The following IFI44L variants were observed in gnomAD, a reference collection of about 807,000 sequenced individuals.
The protein encoded by IFI44L is interferon-induced protein 44-like.
In IFI44L, 40 loss-of-function variants were observed where a neutral mutation model predicts 39.3. The observed-to-expected ratio is 1.02, with a 90% CI of 0.79 to 1.33. The LOEUF (loss-of-function observed/expected upper bound fraction) is 1.33. Among genes scored for constraint, IFI44L ranks in the 40% most tolerant of loss-of-function variants. The pLI, the probability that IFI44L is intolerant of heterozygous loss-of-function variation, is 0.00. For missense variants in IFI44L, 623 were observed against 549.0 expected (o/e 1.13, Z -1.35); for synonymous variants, 198 against 182.3 (o/e 1.09, Z -0.69).
Position 78,629,890 on chromosome 1 carries a change from C to G in IFI44L, c.698C>G (p.Ser233Cys), listed in dbSNP as rs1258531945. 6.2e-7 allele frequency: 1 copy of G among 1,613,588 alleles called. No homozygotes were observed. Among genetic ancestry groups the G allele is most frequent in the Non-Finnish European group, 8.5e-7 (1 of 1,179,698 alleles). Residue 233 changes from serine (S) to cysteine (C), a missense_variant, in exon 4 of 9, where the codon TCT (serine) becomes TGT (cysteine). Ser to Cys is a moderately radical substitution (Grantham distance 112). Transcript: ENST00000370751. ...GTGACTGGCCAAGCCGTAGTGGGGT[C>G]TGATATCACCAGCATAACCGAGCGG... ...GHVTGQAVVG[S>C]DITSITERYR...
At chr1:78,626,903 T>C (rs1652511237) in intron 1 of IFI44L, 1 of 151,990 alleles carries the variant, frequency 6.6e-6, no homozygotes, top group Non-Finnish European at 1.5e-5. Flanking sequence ...TGTGTACTCA[T>C]AGCTTAGCTC....
At chr1:78,628,872 T>G (rs549623664) in intron 2 of IFI44L, 79 bp from the exon 3 acceptor site, 1 of 955,596 alleles carries the variant, frequency 1.0e-6, no homozygotes, top group South Asian at 1.4e-5. Context: ...AAACTCCATG[T>G]CTTATTTCAA....
chr1:78,630,263 G>A (rs1652700113), intron 4 of IFI44L: 1 of 172,498 alleles, frequency 5.8e-6, no homozygotes, highest in South Asian at 1.4e-4. Context: ...TTCTTTTTTT[G>A]TAATAAAATA....
At chr1:78,627,419 A>G (rs1219178469) in intron 1 of IFI44L, 1 of 152,040 alleles carries the variant, frequency 6.6e-6, no homozygotes, top group African/African-American at 2.4e-5. Flanking sequence ...TACGTTGGCA[A>G]ATGATGAATG....
In IFI44L at chr1:78,642,246, A is replaced by C. The variant is rs1646995466; in HGVS notation, c.*437A>C. ...TATCTGTGTATTCACAGAGCTTAGCACAGTGCCTGGTAATGAGCAAGCATA... is the reference window on the plus strand; with the variant it reads ...TATCTGTGTATTCACAGAGCTTAGCCCAGTGCCTGGTAATGAGCAAGCATA... On this transcript the variant is annotated 3_prime_UTR_variant, in exon 9 of 9. Transcript: ENST00000370751. 5.9e-6 allele frequency: 1 copy of C among 170,390 alleles called. No homozygotes were observed. The highest frequency in any genetic ancestry group is 1.3e-5 in the Non-Finnish European group (1 of 79,032). The allele number at this position is 170,390 out of a possible 1,614,324, so 10.6% of individuals were successfully genotyped here. A position where few individuals can be genotyped will look rare whatever the true frequency, so the allele number is the denominator to read the frequency against.
chr1:78,625,284 G>C (rs2100475512), intron 1 of IFI44L, among the ~76,000 whole-genome samples: 1 of 152,084 alleles, frequency 6.6e-6, no homozygotes, highest in East Asian at 1.9e-4. Flanking sequence ...GAGTTTTCTT[G>C]GGGAAGTCTT....
In IFI44L at chr1:78,629,680, G is replaced by T. The variant is rs759003873; in HGVS notation, c.528-40G>T. 7.5e-6 allele frequency: 11 copies of T among 1,460,406 alleles called. No homozygotes were observed. The South Asian group carries it at 1.1e-4, about 15-fold the overall frequency. 90.5% of individuals were successfully genotyped at this position (1,460,406 alleles called of 1,614,324 possible). Reference sequence around the variant, plus strand: ...GATGTTCTTTATGGTATTCTTTATTGGCTGTTCTGATGCTGTATTTAACCA... The same window carrying T: ...GATGTTCTTTATGGTATTCTTTATTTGCTGTTCTGATGCTGTATTTAACCA... On this transcript the variant is annotated intron_variant, in intron 3 of 8. Transcript: ENST00000370751.
rs1333392313 is a variant in IFI44L at position 78,635,415 on chromosome 1, G to T, written c.802G>T (p.Gly268Trp). 1.2e-6 allele frequency: 2 copies of T among 1,613,554 alleles called. No individual in the cohort carries two copies. Among genetic ancestry groups the T allele is most frequent in the Non-Finnish European group, 1.7e-6 (2 of 1,179,598 alleles). ...GTTGTGTGACACTATGGGGCTAGAT[G>T]GGGCAGAAGGAGCAGGACTGTGCAT... ...FMLCDTMGLDGAEGAGLCMDD... is the reference protein window; with the variant it reads ...FMLCDTMGLDWAEGAGLCMDD... Residue 268 changes from glycine (G) to tryptophan (W), a missense_variant, in exon 5 of 9, where the codon GGG (glycine) becomes TGG (tryptophan). Coordinates refer to ENST00000370751, the MANE Select transcript of IFI44L (RefSeq NM_006820.4).
chr1:78,641,158 T>C lies in IFI44L; in HGVS notation c.1149+37T>C, dbSNP rs371663918. ...TGATCATAACCAGATATTATTGTAA[T>C]AGTATCACAATCATACGTGTGTGTG... On this transcript the variant is annotated intron_variant, in intron 7 of 8. Transcript: ENST00000370751. The C allele has an allele frequency of 4.4e-6, 6 of 1,354,300 alleles. No individual in the cohort carries two copies. The African/African-American group carries it at 8.6e-5, about 19-fold the overall frequency. The allele number at this position is 1,354,300 out of a possible 1,614,324, so 83.9% of individuals were successfully genotyped here.
intron 6 of IFI44L, among the ~76,000 whole-genome samples, chr1:78,639,429 T>A (rs1653071697): frequency 6.6e-6 from 1 of 152,070 alleles, no homozygotes; most frequent in Non-Finnish European, 1.5e-5. Flanking sequence ...CACTGTCCTT[T>A]TTCTCATGCT....
At chr1:78,639,020 A>G (rs1355587623) in intron 6 of IFI44L, among the ~76,000 whole-genome samples, 1 of 152,106 alleles carries the variant, frequency 6.6e-6, no homozygotes, top group Non-Finnish European at 1.5e-5. Flanking sequence ...ACACCCTTGG[A>G]GAAAGGGCAC....
intron 1 of IFI44L, among the ~76,000 whole-genome samples, chr1:78,622,819 A>G (rs1652325515): frequency 6.6e-6 from 1 of 152,204 alleles, no homozygotes; most frequent in Non-Finnish European, 1.5e-5. Flanking sequence ...ATCTACAACC[A>G]TAAGGAACTG....
In IFI44L at chr1:78,627,938, C is replaced by T. The variant is rs377191262; in HGVS notation, c.23C>T (p.Thr8Ile). The change falls in exon 2 of 9, where the codon ACA becomes ATA. Residue 8 changes from threonine to isoleucine, a missense_variant. Thr to Ile is a moderately conservative substitution (Grantham distance 89). Coordinates refer to ENST00000370751, the MANE Select transcript of IFI44L (RefSeq NM_006820.4). Reference sequence around the variant, plus strand: ...ACAATGGAAGTGACAACAAGATTGACATGGAATGATGAAAATCATCTGCGC... The same window carrying T: ...ACAATGGAAGTGACAACAAGATTGATATGGAATGATGAAAATCATCTGCGC... MEVTTRLTWNDENHLRKL... is the reference protein window; with the variant it reads MEVTTRLIWNDENHLRKL... 181 of 1,601,782 alleles carry T rather than the reference C, an allele frequency of 1.1e-4. 3 individuals carry two copies. Among genetic ancestry groups the T allele is most frequent in the East Asian group, 9.0e-4 (40 of 44,524 alleles).
At position 78,643,160 on chromosome 1, in the gene IFI44L, T is replaced by TTTTTTTTTTTTTTTTTTTGAG. The variant is rs1367397714; in HGVS notation, c.*1351_*1352insTTTTTTTTTTTTTTTTTTGAG. On this transcript the variant is annotated 3_prime_UTR_variant, in exon 9 of 9. Coordinates refer to ENST00000370751, the MANE Select transcript of IFI44L (RefSeq NM_006820.4). ...AGATATTAAGAAAGCAAGAGTTTCT[T>TTTTTTTTTTTTTTTTTTTGAG]ATGTCCAGTTATGGAATATTTCCTA... 1.3e-5 allele frequency: 2 copies of TTTTTTTTTTTTTTTTTTTGAG among 151,870 alleles called. No individual in the cohort carries two copies. The highest frequency in any genetic ancestry group is 4.2e-4 in the South Asian group (2 of 4,818). The allele number at this position is 151,870 out of a possible 1,614,324, so 9.4% of individuals were successfully genotyped here. A position where few individuals can be genotyped will look rare whatever the true frequency, so the allele number is the denominator to read the frequency against.
intron 3 of IFI44L, 28 bp from the exon 4 acceptor site, chr1:78,629,692 G>T: frequency 6.5e-7 from 1 of 1,538,622 alleles, no homozygotes; most frequent in Non-Finnish European, 8.9e-7. Context: ...CTGTTCTGAT[G>T]CTGTATTTAA....
chr1:78,629,113 G>C, intron 3 of IFI44L, 114 bp downstream of exon 3: 2 of 723,162 alleles, frequency 2.8e-6, no homozygotes, highest in Non-Finnish European at 4.9e-6. Flanking sequence ...GATTAAAAAA[G>C]AGTTATAATG....
rs565757571 is a variant in IFI44L, at chr1:78,639,474, T to A, written c.1049-1547T>A. Among the ~76,000 whole-genome samples, 56 of 152,112 alleles carry A rather than the reference T, an allele frequency of 3.7e-4. 1 individual carries two copies. In the South Asian group the frequency reaches 5.8e-3, roughly 16 times the overall value. ...TGAAACTAGTCAACAGCAAAAAAAA[T>A]TTTCCTTTTTGCTGGCTCTAATTTG... is the stretch of plus-strand genomic sequence containing the variant. On this transcript the variant is annotated intron_variant, in intron 6 of 8. Transcript: ENST00000370751.
chr1:78,628,915 T>G, intron 2 of IFI44L, 36 bp from the exon 3 acceptor site: 2 of 1,387,558 alleles, frequency 1.4e-6, no homozygotes, highest in African/African-American at 1.4e-5. Context: ...CCAAACAAGT[T>G]TTAAAAATGT....
chr1:78,637,011 T>C (rs774649023), intron 5 of IFI44L, 21 bp from the exon 6 acceptor site: 6 of 1,580,686 alleles, frequency 3.8e-6, no homozygotes, highest in Middle Eastern at 1.7e-4. Context: ...TTCTGAATGT[T>C]ACCTTATGTT....
Sources: allele counts gnomAD v4.1 joint callset (sites outside exome capture counted in the v4.1 genomes callset), GRCh38; gene constraint gnomAD v4.1.1; transcripts MANE v1.5; gene names NCBI Gene and HGNC (gene_info 2026-07-23, HGNC 2026-07-21).